The following ZNF223 variants were observed in gnomAD, a reference collection of about 807,000 sequenced individuals.
ZNF223 encodes the protein Homo sapiens zinc finger protein 223.
A neutral mutation model predicts 12.3 loss-of-function variants in ZNF223; 9 were observed. That is an observed-to-expected ratio of 0.73 (90% CI 0.44 to 1.28). The LOEUF is 1.28. Ranked by LOEUF, ZNF223 falls within the 50% of genes most tolerant of loss-of-function variation. The pLI, the probability that ZNF223 is intolerant of heterozygous loss-of-function variation, is 0.00. For missense variants in ZNF223, 506 were observed against 579.0 expected (o/e 0.87, Z 1.29); for synonymous variants, 171 against 195.2 (o/e 0.88, Z 1.03).
chr19:44,059,018 C>T (rs905144025), intron 2 of ZNF223, among the ~76,000 whole-genome samples: 3 of 152,176 alleles, frequency 2.0e-5, no homozygotes, highest in Non-Finnish European at 4.4e-5. Context: ...TCTGGGTCAC[C>T]CTCCAAACCA....
chr19:44,066,622 G>A lies in ZNF223; in HGVS notation c.794G>A (p.Cys265Tyr). Residue 265 changes from cysteine to tyrosine, a missense_variant, in exon 5 of 5, where the codon TGT (cysteine) becomes TAT (tyrosine). By Grantham distance (194) the Cys-to-Tyr change is radical. Coordinates refer to ENST00000434772, the MANE Select transcript of ZNF223 (RefSeq NM_013361.6). ...MGEKHYNCEA[C>Y]GRAFIHDFQL... is the part of the protein sequence containing the mutation. ...GAGAAACATTATAATTGTGAGGCAT[G>A]TGGGAGGGCCTTCATTCATGATTTC... The A allele has an allele frequency of 1.2e-6, 2 of 1,614,154 alleles. No homozygotes were observed. Among genetic ancestry groups the A allele is most frequent in the East Asian group, 2.2e-5 (1 of 44,882 alleles).
At chr19:44,061,281 C>T (rs1447701103) in intron 4 of ZNF223, among the ~76,000 whole-genome samples, 1 of 152,138 alleles carries the variant, frequency 6.6e-6, no homozygotes. Flanking sequence ...CCAATGACCA[C>T]GAACTTAGAT....
chr19:44,060,994 C>A, intron 4 of ZNF223, 153 bp downstream of exon 4: 2 of 680,130 alleles, frequency 2.9e-6, no homozygotes, highest in Non-Finnish European at 5.1e-6. Context: ...CCGTGCCTTC[C>A]CACTCTGACA....
intron 4 of ZNF223, among the ~76,000 whole-genome samples, chr19:44,064,763 G>A (rs1976883152): frequency 6.6e-6 from 1 of 151,998 alleles, no homozygotes; most frequent in African/African-American, 2.4e-5. Flanking sequence ...TTAACCAAGG[G>A]GGAAAAACCA....
At chr19:44,064,010 A>G (rs1976874033) in intron 4 of ZNF223, among the ~76,000 whole-genome samples, 1 of 152,220 alleles carries the variant, frequency 6.6e-6, no homozygotes, top group African/African-American at 2.4e-5. Context: ...AGGACTTGGT[A>G]ATATCCTGAC....
chr19:44,066,219 C>T lies in ZNF223; in HGVS notation c.391C>T (p.His131Tyr), dbSNP rs1219347548. 4.3e-6 allele frequency: 7 copies of T among 1,614,064 alleles called. No homozygotes were observed. Residue 131 changes from histidine to tyrosine, a missense_variant, in exon 5 of 5, where the codon CAC (histidine) becomes TAC (tyrosine). Coordinates refer to ENST00000434772, the MANE Select transcript of ZNF223 (RefSeq NM_013361.6). ...SSQFFEQGDA[H>Y]SQVEEGLSIM... ...TCAGTTCTTTGAACAGGGTGATGCCCACTCCCAGGTTGAGGAAGGACTATC... is the reference window on the plus strand; with the variant it reads ...TCAGTTCTTTGAACAGGGTGATGCCTACTCCCAGGTTGAGGAAGGACTATC...
At chr19:44,065,968 T>G (rs1683597871) in intron 4 of ZNF223, 96 bp from the exon 5 acceptor site, 1 of 1,493,806 alleles carries the variant, frequency 6.7e-7, no homozygotes. Context: ...AAACTGAACA[T>G]TCGTTGAAGT....
Position 44,060,766 on chromosome 19 carries a change from C to A in ZNF223, c.160C>A (p.Arg54=), listed in dbSNP as rs138294962. ...GTTTACAGGGCATCAACCATTCCACCGAGATACTTTCCACTTTCTAAGGGA... is the reference window on the plus strand; with the variant it reads ...GTTTACAGGGCATCAACCATTCCACAGAGATACTTTCCACTTTCTAAGGGA... ...LLSVGHQPFH[R]DTFHFLREEK... is the part of the protein sequence containing the mutation. The change falls in exon 4 of 5, where the codon CGA becomes AGA. Residue 54 remains arginine, a synonymous_variant. Transcript: ENST00000434772. 6.8e-6 allele frequency: 11 copies of A among 1,613,812 alleles called. No homozygotes were observed. The highest frequency in any genetic ancestry group is 1.6e-4 in the Middle Eastern group (1 of 6,084).
intron 2 of ZNF223, among the ~76,000 whole-genome samples, chr19:44,060,186 T>A (rs1290591111): frequency 6.6e-6 from 1 of 152,052 alleles, no homozygotes; most frequent in Non-Finnish European, 1.5e-5. Flanking sequence ...GCATTTAGAC[T>A]CCTAGGGGGC....
chr19:44,060,353 TC>T, intron 2 of ZNF223, 101 bp from the exon 3 acceptor site: 2 of 1,533,794 alleles, frequency 1.3e-6, no homozygotes. Flanking sequence ...TCTCTGAAGA[TC>T]CTGAAAAACT....
chr19:44,053,572 G>A lies in ZNF223; in HGVS notation c.-69+1377G>A, dbSNP rs372043466. Among the ~76,000 whole-genome samples, 100 of 152,244 alleles carry A rather than the reference G, an allele frequency of 6.6e-4. 1 individual carries two copies. The highest frequency in any genetic ancestry group is 2.3e-3 in the African/African-American group (95 of 41,542). On this transcript the variant is annotated intron_variant, in intron 1 of 4. Transcript: ENST00000434772. ...AGAATGTACGATTGGGTTTTATACCGAGACATTCCATTCCCAGGGATGAGC... is the reference window on the plus strand; with the variant it reads ...AGAATGTACGATTGGGTTTTATACCAAGACATTCCATTCCCAGGGATGAGC...
In ZNF223 at chr19:44,066,489, A is replaced by G; in HGVS notation, c.661A>G (p.Thr221Ala). Residue 221 changes from threonine to alanine, a missense_variant, in exon 5 of 5, where the codon ACT becomes GCT. Physicochemically the swap from Thr to Ala is moderately conservative, Grantham distance 58 (BLOSUM62 0). Transcript: ENST00000434772. ...ATTCAGTCAGAGTTTACATCTGCAAACTCATCAGAGAGTCCATACTGGAGA... is the reference window on the plus strand; with the variant it reads ...ATTCAGTCAGAGTTTACATCTGCAAGCTCATCAGAGAGTCCATACTGGAGA... Reference protein sequence around the residue: ...KEFSQSLHLQTHQRVHTGEKP... With the variant: ...KEFSQSLHLQAHQRVHTGEKP... The G allele has an allele frequency of 6.2e-7, 1 of 1,614,190 alleles. No homozygotes were observed. The highest frequency in any genetic ancestry group is 1.3e-5 in the African/African-American group (1 of 75,038).
chr19:44,067,877 T>G lies in ZNF223; in HGVS notation c.*600T>G, dbSNP rs1022816605. ...GCTGCATCCTTACATTGCTTGAGTC[T>G]GGAAGATTGAGGCTGCACTGACCTA... On this transcript the variant is annotated 3_prime_UTR_variant, in exon 5 of 5. Coordinates refer to ENST00000434772, the MANE Select transcript of ZNF223 (RefSeq NM_013361.6). 5.7e-6 allele frequency: 1 copy of G among 174,062 alleles called. No homozygotes were observed. The highest frequency in any genetic ancestry group is 1.2e-5 in the Non-Finnish European group (1 of 80,690). The allele number at this position is 174,062 out of a possible 1,614,324, so 10.8% of individuals were successfully genotyped here.
intron 4 of ZNF223, among the ~76,000 whole-genome samples, chr19:44,064,521 G>A (rs1018160782): frequency 8.5e-5 from 13 of 152,130 alleles, no homozygotes; most frequent in African/African-American, 3.1e-4. Flanking sequence ...CTTTCGATTT[G>A]TAGATATAAA....
In ZNF223 at chr19:44,067,123, ATTGTGGAAAGAAGC is replaced by A. The variant is rs765642797; in HGVS notation, c.1300_1313del (p.Gly434IlefsTer6). The A allele has an allele frequency of 6.2e-7, 1 of 1,613,400 alleles. No individual in the cohort carries two copies. The highest frequency in any genetic ancestry group is 1.1e-5 in the South Asian group (1 of 90,832). On this transcript the variant is annotated frameshift_variant, in exon 5 of 5. Transcript: ENST00000434772. LOFTEE classifies it low-confidence loss of function (END_TRUNC). ...CGAAAAAAACCATTCAAATGTGAGG[ATTGTGGAAAGAAGC>A]TTGTATACCGGTCATACCGTAAAGA...
chr19:44,053,552 G>A (rs1315326995), intron 1 of ZNF223, among the ~76,000 whole-genome samples: 1 of 152,200 alleles, frequency 6.6e-6, no homozygotes, highest in East Asian at 1.9e-4. Flanking sequence ...TAAATAGAAT[G>A]TACGATTGGG....
rs978112671 is a variant in ZNF223, at chr19:44,067,338, G to A, written c.*61G>A. ...TAAATATATGTATATGATGTATAAT[G>A]ATCAAATCAGTGTAATTAGCACATT... On this transcript the variant is annotated 3_prime_UTR_variant, in exon 5 of 5. Transcript: ENST00000434772. 1.4e-6 allele frequency: 2 copies of A among 1,465,310 alleles called. No homozygotes were observed. The highest frequency in any genetic ancestry group is 2.8e-5 in the African/African-American group (2 of 71,342). The allele number at this position is 1,465,310 out of a possible 1,614,324, so 90.8% of individuals were successfully genotyped here. A position where few individuals can be genotyped will look rare whatever the true frequency, so the allele number is the denominator to read the frequency against.
intron 1 of ZNF223, among the ~76,000 whole-genome samples, chr19:44,053,099 G>T (rs760449458): frequency 2.8e-4 from 42 of 152,088 alleles, no homozygotes; most frequent in Non-Finnish European, 5.1e-4. Context: ...TGTTCATTTG[G>T]AGTTTGATAT....
intron 2 of ZNF223, among the ~76,000 whole-genome samples, chr19:44,058,277 A>C (rs1976794688): frequency 6.6e-6 from 1 of 152,174 alleles, no homozygotes; most frequent in Non-Finnish European, 1.5e-5. Context: ...CCTGACCCAG[A>C]TATCCCTCTT....
Sources: allele counts gnomAD v4.1 joint callset (sites outside exome capture counted in the v4.1 genomes callset), GRCh38; gene constraint gnomAD v4.1.1; transcripts MANE v1.5; gene names NCBI Gene and HGNC (gene_info 2026-07-23, HGNC 2026-07-21).